The following SPAG16 variants were observed in gnomAD, a reference collection of about 807,000 sequenced individuals.
The protein encoded by SPAG16 is sperm-associated antigen 16 protein.
A neutral mutation model predicts 80.4 loss-of-function variants in SPAG16; 86 were observed. That is an observed-to-expected ratio of 1.07 (90% CI 0.90 to 1.28). SPAG16 has a LOEUF of 1.28. Ranked by LOEUF, SPAG16 falls within the 50% of genes most tolerant of loss-of-function variation. The pLI is 0.00. For missense variants in SPAG16, 870 were observed against 765.3 expected, an observed-to-expected ratio of 1.14 and a Z score of -1.61; for synonymous variants, 294 against 265.9, an observed-to-expected ratio of 1.11 and a Z score of -1.03.
At chr2:213,429,622 C>T (rs1421109126) in intron 9 of SPAG16, among the ~76,000 whole-genome samples, 3 of 152,276 alleles carry the variant, frequency 2.0e-5, no homozygotes, top group Non-Finnish European at 4.4e-5. Context: ...TTGCTACCAC[C>T]ATCTTCCATG....
At chr2:214,299,446 C>A (rs1007223779) in intron 15 of SPAG16, among the ~76,000 whole-genome samples, 1 of 151,828 alleles carries the variant, frequency 6.6e-6, no homozygotes, top group Non-Finnish European at 1.5e-5. Context: ...GATGGGGTTT[C>A]ATCATGTTGG....
chr2:213,537,207 AT>A lies in SPAG16; in HGVS notation c.1070+47118del, dbSNP rs1336993029. Among the ~76,000 whole-genome samples the A allele has an allele frequency of 2.0e-5, 3 of 151,416 alleles. No homozygotes were observed. In the East Asian group the frequency reaches 5.9e-4, roughly 30 times the overall value. ...GGGATAGCTTTAGGAGATATACCTA[AT>A]GCTAAATGACAAGTTAATGGGTGCA... On this transcript the variant is annotated intron_variant, in intron 10 of 15. Coordinates refer to ENST00000331683, the MANE Select transcript of SPAG16 (RefSeq NM_024532.5).
chr2:213,797,690 C>T (rs2071131133), intron 10 of SPAG16, among the ~76,000 whole-genome samples: 1 of 152,228 alleles, frequency 6.6e-6, no homozygotes, highest in Admixed American at 6.5e-5. Context: ...CAATGAATGG[C>T]TGTGTACCAC....
chr2:213,910,936 T>C (rs1317394016), intron 11 of SPAG16, among the ~76,000 whole-genome samples: 1 of 152,188 alleles, frequency 6.6e-6, no homozygotes, highest in Non-Finnish European at 1.5e-5. Context: ...GGGACATTTA[T>C]GCAGAGCCAG....
chr2:213,602,356 G>A (rs937670467), intron 10 of SPAG16, among the ~76,000 whole-genome samples: 2 of 149,204 alleles, frequency 1.3e-5, no homozygotes, highest in African/African-American at 2.6e-5. Context: ...TCCAGGCCGG[G>A]CACAGTGGGG....
intron 10 of SPAG16, among the ~76,000 whole-genome samples, chr2:213,827,473 A>T (rs2073373854): frequency 1.3e-5 from 2 of 151,994 alleles, no homozygotes; most frequent in South Asian, 4.1e-4. Context: ...TTCTACATAT[A>T]CTATGTCTTG....
At chr2:213,819,099 G>A (rs938894861) in intron 10 of SPAG16, among the ~76,000 whole-genome samples, 2 of 152,146 alleles carry the variant, frequency 1.3e-5, no homozygotes, top group Admixed American at 1.3e-4. Context: ...TCTCTTGAAG[G>A]AGTGGAACAT....
chr2:214,265,820 T>A (rs945838506), intron 15 of SPAG16, among the ~76,000 whole-genome samples: 2 of 152,010 alleles, frequency 1.3e-5, no homozygotes, highest in African/African-American at 4.8e-5. Context: ...TGTATTCTGA[T>A]TTTAATGTTA....
chr2:213,838,567 A>T (rs1054502966), intron 10 of SPAG16, among the ~76,000 whole-genome samples: 3 of 152,242 alleles, frequency 2.0e-5, no homozygotes, highest in African/African-American at 7.2e-5. Context: ...AGACAAAGTT[A>T]TAACAGATTT....
chr2:213,853,549 A>G (rs1239655830), intron 10 of SPAG16, among the ~76,000 whole-genome samples: 2 of 152,226 alleles, frequency 1.3e-5, no homozygotes, highest in Non-Finnish European at 2.9e-5. Flanking sequence ...GACTTGATTA[A>G]GAAGCAGGAC....
chr2:213,620,441 C>T (rs563742753), intron 10 of SPAG16, among the ~76,000 whole-genome samples: 6 of 151,618 alleles, frequency 4.0e-5, no homozygotes, highest in South Asian at 2.1e-4. Flanking sequence ...TACAGGCACC[C>T]GCCACCACGC....
At chr2:213,549,019 T>G (rs895097665) in intron 10 of SPAG16, among the ~76,000 whole-genome samples, 3 of 152,044 alleles carry the variant, frequency 2.0e-5, no homozygotes, top group Non-Finnish European at 4.4e-5. Flanking sequence ...TTTATAATTA[T>G]TCTTTTCTCG....
chr2:213,286,049 C>CT (rs1296301981), intron 1 of SPAG16: 1 of 542,360 alleles, frequency 1.8e-6, no homozygotes, highest in Non-Finnish European at 3.1e-6. Context: ...TGGTAGGAGT[C>CT]TAACATAACA....
At chr2:214,297,790 C>A (rs562153554) in intron 15 of SPAG16, among the ~76,000 whole-genome samples, 95 of 141,826 alleles carry the variant, frequency 6.7e-4, no homozygotes, top group Non-Finnish European at 1.1e-3. Flanking sequence ...CAGCTTTGTT[C>A]TTTTTGCTTA....
At chr2:213,583,969 A>C (rs375617020) in intron 10 of SPAG16, among the ~76,000 whole-genome samples, 1 of 152,232 alleles carries the variant, frequency 6.6e-6, no homozygotes, top group African/African-American at 2.4e-5. Context: ...TCATTAAAGA[A>C]AAAAAGTACC....
intron 10 of SPAG16, among the ~76,000 whole-genome samples, chr2:213,497,909 T>A (rs2074568451): frequency 6.6e-6 from 1 of 152,088 alleles, no homozygotes; most frequent in African/African-American, 2.4e-5. Flanking sequence ...ATAGAAAGCA[T>A]CTCTCACTCC....
intron 15 of SPAG16, among the ~76,000 whole-genome samples, chr2:214,242,499 GC>G: frequency 6.6e-6 from 1 of 152,046 alleles, no homozygotes; most frequent in African/African-American, 2.4e-5. Context: ...TTTTGAATTT[GC>G]ATTTTTTTCC....
intron 15 of SPAG16, among the ~76,000 whole-genome samples, chr2:214,273,107 T>C (rs1692162192): frequency 6.6e-6 from 1 of 152,244 alleles, no homozygotes; most frequent in Non-Finnish European, 1.5e-5. Context: ...GAAGTGTTTG[T>C]TCATATCCTT....
At chr2:214,370,023 A>G (rs1424239857) in intron 15 of SPAG16, among the ~76,000 whole-genome samples, 3 of 152,116 alleles carry the variant, frequency 2.0e-5, no homozygotes, top group Non-Finnish European at 4.4e-5. Context: ...TCATTGGCAA[A>G]TGCTGACCCT....
Sources: gnomAD v4.1 joint callset for allele counts (sites outside exome capture counted in the v4.1 genomes callset) on GRCh38, gnomAD v4.1.1 for gene constraint, MANE v1.5 for transcripts, NCBI Gene and HGNC (gene_info 2026-07-23, HGNC 2026-07-21) for gene names.